Variants in NT5C1B observed in about 807,000 individuals in gnomAD.
NT5C1B encodes the protein cytosolic 5'-nucleotidase 1B.
A neutral mutation model predicts 57.8 loss-of-function variants in NT5C1B; 44 were observed. That is an observed-to-expected ratio of 0.76 (90% CI 0.60 to 0.98). The LOEUF (loss-of-function observed/expected upper bound fraction) is 0.98, where lower values mean the gene tolerates loss of function less well. Ranked by LOEUF, NT5C1B falls within the 50% of genes least tolerant of loss-of-function variation. The pLI, the probability that NT5C1B is intolerant of heterozygous loss-of-function variation, is 0.00. For missense variants in NT5C1B, 742 were observed against 719.5 expected, an observed-to-expected ratio of 1.03 and a Z score of -0.36; for synonymous variants, 284 against 282.6, an observed-to-expected ratio of 1.00 and a Z score of -0.05.
chr2:18,583,248 G>A (rs1280540800), intron 5 of NT5C1B: 1 of 318,540 alleles, frequency 3.1e-6, no homozygotes, highest in Non-Finnish European at 5.6e-6. Context: ...GGGTTCACTA[G>A]AATTATCTCT....
At chr2:18,587,711 G>C in intron 1 of NT5C1B, 119 bp from the exon 2 acceptor site, 1 of 1,175,696 alleles carries the variant, frequency 8.5e-7, no homozygotes, top group Non-Finnish European at 1.2e-6. Context: ...ATATAAAAAG[G>C]TATAAACTCT....
At chr2:18,588,570 T>G (rs891824091) in intron 1 of NT5C1B, among the ~76,000 whole-genome samples, 2 of 152,216 alleles carry the variant, frequency 1.3e-5, no homozygotes, top group Non-Finnish European at 2.9e-5. Flanking sequence ...GCAGTCACCA[T>G]AATACCTCTT....
intron 8 of NT5C1B, among the ~76,000 whole-genome samples, chr2:18,565,951 A>G (rs1664604934): frequency 6.6e-6 from 1 of 152,140 alleles, no homozygotes. Context: ...GATGGGTAAT[A>G]ACTCTATTGG....
chr2:18,566,367 T>TA (rs1664642247), intron 8 of NT5C1B, among the ~76,000 whole-genome samples: 1 of 152,218 alleles, frequency 6.6e-6, no homozygotes, highest in South Asian at 2.1e-4. Flanking sequence ...AAACATGACT[T>TA]ATTGTGTAAC....
At chr2:18,567,307 T>A (rs1417349765) in intron 8 of NT5C1B, among the ~76,000 whole-genome samples, 1 of 152,166 alleles carries the variant, frequency 6.6e-6, no homozygotes, top group Non-Finnish European at 1.5e-5. Context: ...ACTGTTATCC[T>A]CCAGGGCATG....
intron 8 of NT5C1B, among the ~76,000 whole-genome samples, chr2:18,575,030 A>C (rs1665551870): frequency 6.6e-6 from 1 of 152,118 alleles, no homozygotes. Flanking sequence ...TGAAAAATGT[A>C]AAATCTAAAA....
rs770429051 is a variant in NT5C1B at position 18,584,762 on chromosome 2, C to T, written c.475G>A (p.Gly159Ser). 1.2e-6 allele frequency: 2 copies of T among 1,613,654 alleles called. No homozygotes were observed. The highest frequency in any genetic ancestry group is 2.2e-5 in the South Asian group (2 of 91,062). ...GTCTGGCGGATTTCCCGCACGATGC[C>T]TTGGGCCCAGGCCTCCGGATTCTCT... Residue 159 changes from glycine (G) to serine (S), a missense_variant, in exon 4 of 9, where the codon GGC (glycine) becomes AGC (serine). Transcript: ENST00000304081. This position sits in a 1 kb window ranked among gnomAD's most constrained non-coding sequence, Gnocchi z 5.8.
chr2:18,563,740 A>G, exon 9 of NT5C1B: 7 of 1,443,022 alleles, frequency 4.9e-6, no homozygotes, highest in Non-Finnish European at 5.5e-6. Flanking sequence ...TAGAGAGCCA[A>G]AAGAAGTGGC....
intron 6 of NT5C1B, among the ~76,000 whole-genome samples, 183 bp from the exon 7 acceptor site, chr2:18,577,078 TAAAATTCCTCA>T (rs1665752108): frequency 6.6e-6 from 1 of 152,204 alleles, no homozygotes; most frequent in African/African-American, 2.4e-5. Context: ...TACCAATATT[TAAAATTCCTCA>T]ACTATTTTAT....
At chr2:18,565,229 A>G (rs181146405) in intron 8 of NT5C1B, among the ~76,000 whole-genome samples, 142 of 152,214 alleles carry the variant, frequency 9.3e-4, no homozygotes, top group African/African-American at 3.3e-3. Context: ...TAATTTGTAC[A>G]TCATACAAAT....
At chr2:18,577,926 G>A (rs930891741) in intron 6 of NT5C1B, among the ~76,000 whole-genome samples, 1 of 152,010 alleles carries the variant, frequency 6.6e-6, no homozygotes, top group African/African-American at 2.4e-5. Context: ...TGACACAAGT[G>A]ACATTACTAC....
intron 8 of NT5C1B, among the ~76,000 whole-genome samples, chr2:18,567,052 G>A (rs756062982): frequency 3.3e-5 from 5 of 152,126 alleles, no homozygotes; most frequent in Non-Finnish European, 7.4e-5. Flanking sequence ...ACCAATGAGA[G>A]AGCATAGAAG....
At chr2:18,569,151 ATGT>A (rs1168752309) in intron 8 of NT5C1B, among the ~76,000 whole-genome samples, 2 of 152,188 alleles carry the variant, frequency 1.3e-5, no homozygotes, top group Non-Finnish European at 2.9e-5. Flanking sequence ...AGTACATATG[ATGT>A]TGTAGAGTAT....
intron 8 of NT5C1B, among the ~76,000 whole-genome samples, chr2:18,570,361 A>G (rs1330656052): frequency 6.6e-6 from 1 of 152,052 alleles, no homozygotes; most frequent in African/African-American, 2.4e-5. Context: ...ACAACAACAA[A>G]AAAGAAAAGA....
chr2:18,586,328 A>G, exon 3 of NT5C1B: 1 of 1,614,044 alleles, frequency 6.2e-7, no homozygotes, highest in Non-Finnish European at 8.5e-7. Context: ...GATATTCTAG[A>G]CCATTGACTG....
At chr2:18,583,349 ATTG>A (rs1280283280) in intron 5 of NT5C1B, 1 of 179,998 alleles carries the variant, frequency 5.6e-6, no homozygotes, top group East Asian at 1.5e-4. Context: ...TCATCTAATG[ATTG>A]TTTTTTTTAT....
At chr2:18,577,186 G>A (rs1404154926) in intron 6 of NT5C1B, among the ~76,000 whole-genome samples, 2 of 152,004 alleles carry the variant, frequency 1.3e-5, no homozygotes, top group African/African-American at 4.8e-5. Context: ...CAAACATACT[G>A]AAGGTATTAT....
At position 18,587,254 on chromosome 2, in the gene NT5C1B, C is replaced by G. The variant is rs180898034; in HGVS notation, c.120+249G>C. On this transcript the variant is annotated intron_variant, in intron 2 of 8. Coordinates refer to ENST00000304081, the Ensembl canonical transcript of NT5C1B. ...GATTTGAACAAAGACCAGTCTCCCC[C>G]CTGTGTAGGCTGAGCAGAGGAGCCT... 371 of 1,514,578 alleles carry G rather than the reference C, an allele frequency of 2.4e-4. 1 individual carries two copies. Among genetic ancestry groups the G allele is most frequent in the East Asian group, 1.3e-3 (55 of 41,158 alleles). 93.8% of individuals were successfully genotyped at this position (1,514,578 alleles called of 1,614,324 possible).
intron 8 of NT5C1B, among the ~76,000 whole-genome samples, chr2:18,572,083 CAAAAA>C (rs34186303): frequency 1.0e-5 from 1 of 97,438 alleles, no homozygotes; most frequent in Non-Finnish European, 2.1e-5. Context: ...GAGACTCTGT[CAAAAA>C]AAAAAAAAAA....
Sources: gnomAD v4.1 joint callset for allele counts (sites outside exome capture counted in the v4.1 genomes callset) on GRCh38, gnomAD v4.1.1 for gene constraint, Gnocchi (gnomAD v3.1) non-coding constraint, MANE v1.5 for transcripts, NCBI Gene and HGNC (gene_info 2026-07-23, HGNC 2026-07-21) for gene names.